Variants in ZNF804B observed in about 807,000 individuals in gnomAD.
ZNF804B encodes zinc finger 804B.
In ZNF804B, 80 loss-of-function variants were observed where a neutral mutation model predicts 101.4. That is an observed-to-expected ratio of 0.79 (90% confidence interval 0.66 to 0.95). ZNF804B has a LOEUF of 0.95. Ranked by LOEUF, ZNF804B falls within the 40% of genes least tolerant of loss-of-function variation. ZNF804B has a pLI of 0.00. For missense variants in ZNF804B, 1,673 were observed against 1,561.9 expected (o/e 1.07, Z -1.20); for synonymous variants, 622 against 558.8 (o/e 1.11, Z -1.59).
chr7:89,021,052 A>G (rs1321757289), intron 1 of ZNF804B, among the ~76,000 whole-genome samples: 2 of 152,112 alleles, frequency 1.3e-5, no homozygotes, highest in Non-Finnish European at 2.9e-5. Flanking sequence ...GCATCCCTAC[A>G]CTGATATCTA....
intron 1 of ZNF804B, among the ~76,000 whole-genome samples, chr7:89,004,126 A>G (rs1156774929): frequency 6.6e-6 from 1 of 151,468 alleles, no homozygotes; most frequent in Non-Finnish European, 1.5e-5. Context: ...GGACTGGTGG[A>G]CTTGGCACTG....
Position 89,326,415 on chromosome 7 carries a change from G to A in ZNF804B, c.250-929G>A, listed in dbSNP as rs112862649. 6.7e-3 allele frequency among the ~76,000 whole-genome samples: 1,012 copies of A among 152,082 alleles called. 11 individuals are homozygous for A. Among genetic ancestry groups the A allele is most frequent in the African/African-American group, 0.023 (940 of 41,528 alleles). Reference sequence around the variant, plus strand: ...TAACAGTCGGCTCCAGTATTATTACGTCACATGATAACTATGTAGTTTTCT... The same window carrying A: ...TAACAGTCGGCTCCAGTATTATTACATCACATGATAACTATGTAGTTTTCT... On this transcript the variant is annotated intron_variant, in intron 2 of 3. Coordinates refer to ENST00000333190, the MANE Select transcript of ZNF804B (RefSeq NM_181646.5).
intron 1 of ZNF804B, among the ~76,000 whole-genome samples, chr7:89,047,793 A>T (rs1789133569): frequency 6.6e-6 from 1 of 152,108 alleles, no homozygotes; most frequent in South Asian, 2.1e-4. Flanking sequence ...TGCACTGTGC[A>T]TTCTCTCTAG....
chr7:88,846,154 G>T (rs946808757), intron 1 of ZNF804B, among the ~76,000 whole-genome samples: 2 of 152,106 alleles, frequency 1.3e-5, no homozygotes, highest in African/African-American at 4.8e-5. Context: ...CATAACTCTT[G>T]ATGTCCAATA....
At chr7:89,007,013 G>A (rs1046030542) in intron 1 of ZNF804B, among the ~76,000 whole-genome samples, 3 of 152,032 alleles carry the variant, frequency 2.0e-5, no homozygotes, top group African/African-American at 7.2e-5. Flanking sequence ...GTGCTTCTGG[G>A]CTGGGACACG....
chr7:89,299,796 T>C (rs955126912), intron 2 of ZNF804B, among the ~76,000 whole-genome samples: 4 of 152,018 alleles, frequency 2.6e-5, no homozygotes, highest in African/African-American at 9.7e-5. Flanking sequence ...ATCAGTTTAT[T>C]TACAGTATTT....
chr7:88,983,822 C>T (rs1793724073), intron 1 of ZNF804B, among the ~76,000 whole-genome samples: 1 of 151,958 alleles, frequency 6.6e-6, no homozygotes, highest in Non-Finnish European at 1.5e-5. Context: ...CCATTTGGCT[C>T]AGGGGTCCCT....
At chr7:88,867,093 G>T (rs1365310003) in intron 1 of ZNF804B, among the ~76,000 whole-genome samples, 2 of 152,154 alleles carry the variant, frequency 1.3e-5, no homozygotes, top group Non-Finnish European at 2.9e-5. Context: ...AATAGCTGGT[G>T]GGGAAGACTC....
intron 1 of ZNF804B, among the ~76,000 whole-genome samples, chr7:88,778,454 A>T (rs766883906): frequency 6.6e-6 from 1 of 152,216 alleles, no homozygotes; most frequent in Non-Finnish European, 1.5e-5. Context: ...GAAGATCATT[A>T]TTCTGCTTAC....
intron 1 of ZNF804B, among the ~76,000 whole-genome samples, chr7:89,125,748 G>T (rs183700651): frequency 6.6e-6 from 1 of 152,038 alleles, no homozygotes; most frequent in Non-Finnish European, 1.5e-5. Flanking sequence ...GCCTGTCTAT[G>T]CCTCCTTTGT....
At chr7:88,793,657 C>T (rs1202998707) in intron 1 of ZNF804B, among the ~76,000 whole-genome samples, 1 of 151,954 alleles carries the variant, frequency 6.6e-6, no homozygotes, top group African/African-American at 2.4e-5. Context: ...CTCTCAAAGC[C>T]CTTCCTATAT....
intron 1 of ZNF804B, chr7:88,794,330 G>T: frequency 6.2e-7 from 1 of 1,613,876 alleles, no homozygotes; most frequent in Non-Finnish European, 8.5e-7. Flanking sequence ...AGTAGGTCAG[G>T]TGCAACTTGG....
intron 1 of ZNF804B, among the ~76,000 whole-genome samples, chr7:88,942,679 A>C (rs979761329): frequency 6.6e-6 from 1 of 151,844 alleles, no homozygotes; most frequent in African/African-American, 2.4e-5. Flanking sequence ...CTTAAAAAAA[A>C]CCAATGGTAT....
At chr7:88,871,225 G>C (rs57089182) in intron 1 of ZNF804B, among the ~76,000 whole-genome samples, 28,379 of 152,020 alleles carry the variant, frequency 0.19, 2,846 homozygotes, top group African/African-American at 0.28. Flanking sequence ...ATGAGAACAA[G>C]TATGGCTATC....
chr7:88,763,451 A>G (rs1277811059), intron 1 of ZNF804B, among the ~76,000 whole-genome samples: 1 of 152,082 alleles, frequency 6.6e-6, no homozygotes. Context: ...TTCTTTTTAG[A>G]GACTGTGTGT....
chr7:88,865,060 C>T (rs554319890), intron 1 of ZNF804B, among the ~76,000 whole-genome samples: 24 of 151,878 alleles, frequency 1.6e-4, no homozygotes, highest in African/African-American at 5.8e-4. Flanking sequence ...GAAACCCCGT[C>T]TCTACTAAAA....
intron 1 of ZNF804B, among the ~76,000 whole-genome samples, chr7:89,017,606 G>C (rs1029538590): frequency 6.6e-6 from 1 of 152,006 alleles, no homozygotes. Flanking sequence ...AGATAGCTTT[G>C]GATAGTATGG....
At chr7:88,839,501 G>C (rs1258513665) in intron 1 of ZNF804B, among the ~76,000 whole-genome samples, 1 of 151,746 alleles carries the variant, frequency 6.6e-6, no homozygotes, top group Non-Finnish European at 1.5e-5. Context: ...GAGATTTAAG[G>C]CCAGGCGAAT....
At chr7:89,143,508 C>T (rs1200150014) in intron 1 of ZNF804B, among the ~76,000 whole-genome samples, 1 of 151,954 alleles carries the variant, frequency 6.6e-6, no homozygotes, top group Non-Finnish European at 1.5e-5. Flanking sequence ...GGATGATCTG[C>T]CACTTTGGGA....
Sources: gnomAD v4.1 joint callset for allele counts (sites outside exome capture counted in the v4.1 genomes callset) on GRCh38, gnomAD v4.1.1 for gene constraint, MANE v1.5 for transcripts, NCBI Gene and HGNC (gene_info 2026-07-23, HGNC 2026-07-21) for gene names.